The following SPIRE1 variants were observed in gnomAD, a reference collection of about 807,000 sequenced individuals.
SPIRE1 encodes the protein protein spire homolog 1.
Under a neutral mutation model 94.1 loss-of-function variants are expected in SPIRE1, and 40 were observed. That is an observed-to-expected ratio of 0.43 (90% confidence interval 0.33 to 0.55). The LOEUF (loss-of-function observed/expected upper bound fraction) is 0.55. Ranked by LOEUF, SPIRE1 falls within the 20% of genes least tolerant of loss-of-function variation. SPIRE1 has a pLI of 0.06. For missense variants in SPIRE1, 838 were observed against 975.2 expected (o/e 0.86, Z 1.87); for synonymous variants, 376 against 371.7 (o/e 1.01, Z -0.13).
At chr18:12,565,400 A>T (rs971422689) in intron 2 of SPIRE1, among the ~76,000 whole-genome samples, 1 of 152,056 alleles carries the variant, frequency 6.6e-6, no homozygotes, top group Non-Finnish European at 1.5e-5. Context: ...ATTGGGAAGG[A>T]GCCTCGCTCT....
chr18:12,624,448 C>A (rs1166101101), intron 2 of SPIRE1, among the ~76,000 whole-genome samples: 1 of 148,716 alleles, frequency 6.7e-6, no homozygotes, highest in Non-Finnish European at 1.5e-5. Flanking sequence ...GAGGCTGAGG[C>A]AGCAGAATTA....
intron 2 of SPIRE1, among the ~76,000 whole-genome samples, chr18:12,631,563 A>C (rs865910342): frequency 1.3e-5 from 2 of 149,976 alleles, no homozygotes; most frequent in African/African-American, 2.4e-5. Flanking sequence ...AAAAAAAAAA[A>C]AAAAAAAAAA....
chr18:12,632,458 A>T (rs904481494), intron 2 of SPIRE1, among the ~76,000 whole-genome samples: 2 of 152,308 alleles, frequency 1.3e-5, no homozygotes, highest in Admixed American at 1.3e-4. Context: ...CAAACTTCTA[A>T]GAAAAAGTAG....
chr18:12,614,514 G>A (rs1164089399), intron 2 of SPIRE1, among the ~76,000 whole-genome samples: 1 of 152,128 alleles, frequency 6.6e-6, no homozygotes, highest in Admixed American at 6.5e-5. Flanking sequence ...AATGCAATAT[G>A]CAATTAAAAC....
intron 1 of SPIRE1, among the ~76,000 whole-genome samples, chr18:12,652,373 G>A (rs1281464552): frequency 6.6e-6 from 1 of 152,114 alleles, no homozygotes; most frequent in Non-Finnish European, 1.5e-5. Flanking sequence ...AAACAACAAA[G>A]TCTTATTATT....
At chr18:12,455,619 C>T (rs1321196550) in intron 12 of SPIRE1, among the ~76,000 whole-genome samples, 1 of 152,176 alleles carries the variant, frequency 6.6e-6, no homozygotes, top group Non-Finnish European at 1.5e-5. Flanking sequence ...GCCTCACACC[C>T]ATCCGCTCCC....
chr18:12,610,051 TC>T (rs1332414879), intron 2 of SPIRE1, among the ~76,000 whole-genome samples: 1 of 151,982 alleles, frequency 6.6e-6, no homozygotes, highest in Admixed American at 6.6e-5. Context: ...TGATGCTTCC[TC>T]CCCACCCCTC....
chr18:12,460,020 C>A, intron 12 of SPIRE1: 2 of 563,736 alleles, frequency 3.5e-6, no homozygotes, highest in Non-Finnish European at 4.5e-6. Context: ...ATAGTGATTA[C>A]AGATCACAAA....
At chr18:12,577,914 T>G (rs910084642) in intron 2 of SPIRE1, among the ~76,000 whole-genome samples, 7 of 152,118 alleles carry the variant, frequency 4.6e-5, no homozygotes, top group Non-Finnish European at 1.0e-4. Context: ...AACATATACC[T>G]TACAAAAGAA....
chr18:12,525,275 T>TCA (rs2034479361), intron 4 of SPIRE1, among the ~76,000 whole-genome samples: 1 of 17,908 alleles, frequency 5.6e-5, no homozygotes, highest in South Asian at 7.5e-4. Flanking sequence ...AGACTCCGTC[T>TCA]CAAAAAAAAA....
Position 12,495,991 on chromosome 18 carries a change from T to G in SPIRE1, c.1059+25A>C. 4 of 1,530,074 alleles carry G rather than the reference T, an allele frequency of 2.6e-6. No individual in the cohort carries two copies. In the East Asian group the frequency reaches 9.0e-5, roughly 34 times the overall value. The allele number at this position is 1,530,074 out of a possible 1,614,324, so 94.8% of individuals were successfully genotyped here. ...ATAATTCATTATGATATCTCCAATC[T>G]AGAGAACTATGTCGAATTACATACT... On this transcript the variant is annotated intron_variant, in intron 7 of 16. Transcript: ENST00000409402.
chr18:12,464,585 A>G (rs377603257), intron 11 of SPIRE1, among the ~76,000 whole-genome samples: 20 of 152,296 alleles, frequency 1.3e-4, no homozygotes, highest in African/African-American at 4.8e-4. Flanking sequence ...GAGGTAATCT[A>G]TCTAAAACAA....
chr18:12,485,050 G>A (rs1214296276), intron 9 of SPIRE1, among the ~76,000 whole-genome samples: 1 of 151,344 alleles, frequency 6.6e-6, no homozygotes, highest in African/African-American at 2.4e-5. Flanking sequence ...CAAATCTGAG[G>A]CACATAATTA....
At chr18:12,476,562 AAAATATATAT>A in intron 10 of SPIRE1, among the ~76,000 whole-genome samples, 2 of 73,168 alleles carry the variant, frequency 2.7e-5, no homozygotes, top group South Asian at 9.9e-4. Flanking sequence ...AAAAAAAAAA[AAAATATATAT>A]ATATATATAT....
rs138190950 is a variant in SPIRE1, at chr18:12,474,751, G to A, written c.1404+4948C>T. 4.9e-3 allele frequency among the ~76,000 whole-genome samples: 745 copies of A among 152,194 alleles called. 4 individuals are homozygous for A. Among genetic ancestry groups the A allele is most frequent in the South Asian group, 0.019 (91 of 4,822 alleles). ...GCAGAATTGCTTGAACCCGGGAGTCGGAGGATGCAGTGAGCTGAGGTCGCT... is the reference window on the plus strand; with the variant it reads ...GCAGAATTGCTTGAACCCGGGAGTCAGAGGATGCAGTGAGCTGAGGTCGCT... On this transcript the variant is annotated intron_variant, in intron 10 of 16. Coordinates refer to ENST00000409402, the MANE Select transcript of SPIRE1 (RefSeq NM_001128626.2).
At chr18:12,551,278 A>G (rs897929965) in intron 2 of SPIRE1, among the ~76,000 whole-genome samples, 1 of 152,210 alleles carries the variant, frequency 6.6e-6, no homozygotes, top group Non-Finnish European at 1.5e-5. Context: ...TGCTAAATAA[A>G]TATCTCATAA....
At chr18:12,619,695 C>T (rs2037410392) in intron 2 of SPIRE1, among the ~76,000 whole-genome samples, 1 of 150,722 alleles carries the variant, frequency 6.6e-6, no homozygotes, top group African/African-American at 2.4e-5. Flanking sequence ...AGAATACAAA[C>T]ATTAGCCAGG....
At chr18:12,648,136 A>T (rs1480389445) in intron 1 of SPIRE1, among the ~76,000 whole-genome samples, 2 of 152,246 alleles carry the variant, frequency 1.3e-5, no homozygotes, top group Non-Finnish European at 2.9e-5. Flanking sequence ...TCTTCACAGA[A>T]TTCAAAATAA....
intron 2 of SPIRE1, among the ~76,000 whole-genome samples, chr18:12,582,631 C>G (rs1049550567): frequency 2.6e-5 from 4 of 152,028 alleles, no homozygotes; most frequent in African/African-American, 7.3e-5. Flanking sequence ...ATCAGAGTAT[C>G]TGGGGGAATT....
Sources: gnomAD v4.1 joint callset for allele counts (sites outside exome capture counted in the v4.1 genomes callset) on GRCh38, gnomAD v4.1.1 for gene constraint, MANE v1.5 for transcripts, NCBI Gene and HGNC (gene_info 2026-07-23, HGNC 2026-07-21) for gene names.